GABRA2: variants seen among roughly 807,000 people sequenced by gnomAD.
GABRA2 encodes gamma-aminobutyric acid type A receptor subunit alpha2, also known as gamma-aminobutyric acid receptor subunit alpha-2.
A neutral mutation model predicts 48.7 loss-of-function variants in GABRA2; 16 were observed. The observed-to-expected ratio is 0.33, with a 90% CI of 0.22 to 0.50. The LOEUF (loss-of-function observed/expected upper bound fraction) is 0.50. Ranked by LOEUF, GABRA2 falls within the 20% of genes least tolerant of loss-of-function variation. The pLI is 0.98. For synonymous variants in GABRA2, 185 were observed against 184.5 expected (o/e 1.00, Z -0.02); for missense variants, 275 against 535.6 (o/e 0.51, Z 4.80).
At chr4:46,388,841 C>A (rs200917244) in intron 1 of GABRA2, 125 bp from the exon 2 acceptor site, 10 of 1,505,030 alleles carry the variant, frequency 6.6e-6, no homozygotes, top group Non-Finnish European at 8.0e-6. Flanking sequence ...AGATTACTTC[C>A]TGGACTCTGT....
chr4:46,279,920 G>C lies in GABRA2; in HGVS notation c.857-17792C>G, dbSNP rs148326706. Among the ~76,000 whole-genome samples, 494 of 152,070 alleles carry C rather than the reference G, an allele frequency of 3.2e-3. 1 individual carries two copies. Among genetic ancestry groups the C allele is most frequent in the African/African-American group, 0.011 (446 of 41,482 alleles). ...CCACTACTTATAGATTATATAAGTAGTACTTATAGATTGTATAAGTTTTCG... is the reference window on the plus strand; with the variant it reads ...CCACTACTTATAGATTATATAAGTACTACTTATAGATTGTATAAGTTTTCG... On this transcript the variant is annotated intron_variant, in intron 8 of 9. Coordinates refer to ENST00000381620, the MANE Select transcript of GABRA2 (RefSeq NM_000807.4).
At chr4:46,350,770 A>G (rs982730455) in intron 3 of GABRA2, among the ~76,000 whole-genome samples, 2 of 151,956 alleles carry the variant, frequency 1.3e-5, no homozygotes, top group African/African-American at 4.8e-5. Flanking sequence ...CTATTATACT[A>G]TTTAATATAC....
At chr4:46,362,565 G>A (rs1713383207) in intron 3 of GABRA2, among the ~76,000 whole-genome samples, 2 of 152,148 alleles carry the variant, frequency 1.3e-5, no homozygotes, top group Admixed American at 1.3e-4. Context: ...TGTTTTATTT[G>A]GAGAGGTTAA....
intron 3 of GABRA2, among the ~76,000 whole-genome samples, chr4:46,333,929 C>G (rs2109819399): frequency 6.6e-6 from 1 of 152,106 alleles, no homozygotes; most frequent in Admixed American, 6.5e-5. Context: ...TTAAAACTAA[C>G]AGTAGTTTGT....
intron 8 of GABRA2, among the ~76,000 whole-genome samples, chr4:46,294,055 C>A (rs1034002828): frequency 1.3e-5 from 2 of 152,216 alleles, no homozygotes; most frequent in Non-Finnish European, 2.9e-5. Context: ...TAAGGCCCAC[C>A]AGAAGCAATT....
intron 8 of GABRA2, among the ~76,000 whole-genome samples, chr4:46,278,415 A>C (rs1026795913): frequency 6.6e-6 from 1 of 152,166 alleles, no homozygotes; most frequent in Admixed American, 6.5e-5. Context: ...CAAGCTAAAC[A>C]TGAGGTCAGA....
At chr4:46,383,305 C>T (rs1011769601) in intron 3 of GABRA2, among the ~76,000 whole-genome samples, 4 of 152,050 alleles carry the variant, frequency 2.6e-5, no homozygotes, top group Non-Finnish European at 5.9e-5. Flanking sequence ...ACTGCTTAGC[C>T]CCAGAACCAG....
At chr4:46,379,705 C>T (rs919024736) in intron 3 of GABRA2, among the ~76,000 whole-genome samples, 6 of 152,172 alleles carry the variant, frequency 3.9e-5, no homozygotes, top group Non-Finnish European at 5.9e-5. Flanking sequence ...TCTCAGCTGC[C>T]TCATGCTTCT....
chr4:46,286,543 C>T (rs1376833634), intron 8 of GABRA2, among the ~76,000 whole-genome samples: 1 of 152,038 alleles, frequency 6.6e-6, no homozygotes, highest in Non-Finnish European at 1.5e-5. Context: ...ACAGTGGATG[C>T]AACATTTTAA....
chr4:46,323,726 C>T (rs537348769), intron 4 of GABRA2, among the ~76,000 whole-genome samples: 1 of 144,760 alleles, frequency 6.9e-6, no homozygotes, highest in East Asian at 2.0e-4. Flanking sequence ...AGCCTGTGTA[C>T]AACATCATTA....
Position 46,389,025 on chromosome 4 carries a change from C to T in GABRA2, c.-10-309G>A, listed in dbSNP as rs201486010. 77 of 1,136,518 alleles carry T rather than the reference C, an allele frequency of 6.8e-5. No homozygotes were observed. In the Middle Eastern group the frequency reaches 1.1e-3, roughly 17 times the overall value. The allele number at this position is 1,136,518 out of a possible 1,614,324, so 70.4% of individuals were successfully genotyped here. ...CCCCCAGCCTCATCGTCAGCAAACA[C>T]TGTTTTGCGCACACGTAATAATAAC... On this transcript the variant is annotated intron_variant, in intron 1 of 9. Coordinates refer to ENST00000381620, the MANE Select transcript of GABRA2 (RefSeq NM_000807.4).
At chr4:46,373,751 C>T (rs975342474) in intron 3 of GABRA2, among the ~76,000 whole-genome samples, 2 of 152,262 alleles carry the variant, frequency 1.3e-5, no homozygotes, top group South Asian at 2.1e-4. Context: ...AAGCCTGCCC[C>T]ATTTAGTCTC....
intron 3 of GABRA2, among the ~76,000 whole-genome samples, chr4:46,361,051 A>C (rs2109957594): frequency 6.6e-6 from 1 of 152,334 alleles, no homozygotes; most frequent in African/African-American, 2.4e-5. Context: ...ACAGAGCATA[A>C]AAGTTTTTAA....
At position 46,303,372 on chromosome 4, in the gene GABRA2, A is replaced by G. The variant is rs1408321543; in HGVS notation, c.856+88T>C. The stretch of plus-strand genomic sequence containing the variant: ...ACTCCCCGCCCCACCTACTACAAAT[A>G]ATTAGTTTGAGGATCAAGAGAGATA... On this transcript the variant is annotated intron_variant, in intron 8 of 9. Transcript: ENST00000381620. 5 of 1,318,922 alleles carry G rather than the reference A, an allele frequency of 3.8e-6. No homozygotes were observed. In the East Asian group the frequency reaches 1.2e-4, roughly 31 times the overall value. The allele number at this position is 1,318,922 out of a possible 1,614,324, so 81.7% of individuals were successfully genotyped here.
intron 3 of GABRA2, among the ~76,000 whole-genome samples, chr4:46,349,320 T>C (rs752358147): frequency 6.6e-6 from 1 of 151,940 alleles, no homozygotes; most frequent in Non-Finnish European, 1.5e-5. Context: ...GGAATCTGTT[T>C]TTATCTCCTT....
intron 1 of GABRA2, 118 bp from the exon 2 acceptor site, chr4:46,388,834 T>C: frequency 6.6e-7 from 1 of 1,522,174 alleles, no homozygotes; most frequent in South Asian, 1.3e-5. Context: ...GCTATGGAGA[T>C]TACTTCCTGG....
chr4:46,358,178 C>A (rs1736309055), intron 3 of GABRA2, among the ~76,000 whole-genome samples: 1 of 152,114 alleles, frequency 6.6e-6, no homozygotes, highest in African/African-American at 2.4e-5. Flanking sequence ...TCTAACCAAA[C>A]AACTTGTGTT....
chr4:46,289,241 G>C (rs112041047), intron 8 of GABRA2, among the ~76,000 whole-genome samples: 1 of 152,226 alleles, frequency 6.6e-6, no homozygotes, highest in South Asian at 2.1e-4. Context: ...CTATTGTAAA[G>C]ATGCATGCCT....
chr4:46,303,716 T>C lies in GABRA2; in HGVS notation c.704-104A>G, dbSNP rs279871. On this transcript the variant is annotated intron_variant, in intron 7 of 9. Coordinates refer to ENST00000381620, the MANE Select transcript of GABRA2 (RefSeq NM_000807.4). ...GAACAAAAACTGATTTTTTAAAAAA[T>C]AATATATCACATACATGTCAGGAAA... is the stretch of plus-strand genomic sequence containing the variant. 402,601 of 951,780 alleles carry C rather than the reference T, an allele frequency of 0.42. 87,284 individuals carry two copies. The highest frequency in any genetic ancestry group is 0.49 in the East Asian group (19,076 of 38,628). 59.0% of individuals were successfully genotyped at this position (951,780 alleles called of 1,614,324 possible).
Sources: gnomAD v4.1 joint callset for allele counts (sites outside exome capture counted in the v4.1 genomes callset) on GRCh38, gnomAD v4.1.1 for gene constraint, MANE v1.5 for transcripts, NCBI Gene and HGNC (gene_info 2026-07-23, HGNC 2026-07-21) for gene names.